The following CCDC137 variants were observed in gnomAD, a reference collection of about 807,000 sequenced individuals.
The protein encoded by CCDC137 is coiled-coil domain-containing protein 137.
CCDC137 carries 24 observed loss-of-function variants against 30.4 expected under a neutral mutation model. That is an observed-to-expected ratio of 0.79 (90% CI 0.57 to 1.11). The LOEUF (loss-of-function observed/expected upper bound fraction) is 1.11, where lower values mean the gene tolerates loss of function less well. CCDC137 is among the 50% of genes least tolerant of loss of function. CCDC137 has a pLI of 0.00. For missense variants in CCDC137, 417 were observed against 380.4 expected (o/e 1.10, Z -0.80); for synonymous variants, 182 against 155.7 (o/e 1.17, Z -1.26).
intron 3 of CCDC137, chr17:81,671,523 A>C: frequency 1.8e-6 from 1 of 555,032 alleles, no homozygotes; most frequent in Non-Finnish European, 3.2e-6. Context: ...CCAGCTGAGA[A>C]CCACTGGGGG....
intron 4 of CCDC137, 101 bp downstream of exon 4, chr17:81,671,927 T>A: frequency 6.7e-7 from 1 of 1,489,008 alleles, no homozygotes; most frequent in South Asian, 1.1e-5. Flanking sequence ...GCACCTGTGG[T>A]TTCCCCTGGG....
In CCDC137 at chr17:81,666,840, G is replaced by C; in HGVS notation, c.74G>C (p.Gly25Ala). The change falls in exon 1 of 6, where the codon GGG becomes GCG. Residue 25 changes from glycine to alanine, a missense_variant. Coordinates refer to ENST00000329214, the MANE Select transcript of CCDC137 (RefSeq NM_199287.3). Reference protein sequence around the residue: ...AGPGSPRRARGRQQVQPLGKQ... With the variant: ...AGPGSPRRARARQQVQPLGKQ... ...CCTGGGAGTCCCCGGCGAGCGCGGG[G>C]GCGGCAGCAAGTGCAGCCGCTGGGG... The C allele has an allele frequency of 7.4e-7, 1 of 1,343,362 alleles. No homozygotes were observed. The highest frequency in any genetic ancestry group is 9.6e-7 in the Non-Finnish European group (1 of 1,045,708). 83.2% of individuals were successfully genotyped at this position (1,343,362 alleles called of 1,614,324 possible).
chr17:81,668,764 G>C (rs549856027), intron 2 of CCDC137, among the ~76,000 whole-genome samples: 21 of 151,930 alleles, frequency 1.4e-4, no homozygotes, highest in Non-Finnish European at 2.8e-4. Context: ...GCAGTGGCGT[G>C]ATCTGGGCTC....
At position 81,672,732 on chromosome 17, in the gene CCDC137, C is replaced by G; in HGVS notation, c.*28C>G. 1 of 1,523,692 alleles carries G rather than the reference C, an allele frequency of 6.6e-7. No homozygotes were observed. Among genetic ancestry groups the G allele is most frequent in the African/African-American group, 1.4e-5 (1 of 72,762 alleles). The allele number at this position is 1,523,692 out of a possible 1,614,324, so 94.4% of individuals were successfully genotyped here. A position where few individuals can be genotyped will look rare whatever the true frequency, so the allele number is the denominator to read the frequency against. On this transcript the variant is annotated 3_prime_UTR_variant, in exon 6 of 6. Coordinates refer to ENST00000329214, the MANE Select transcript of CCDC137 (RefSeq NM_199287.3). ...GAGAGACACCCGGGGCCTGGCCACG[C>G]TCTGGGGCAACTGGCACCAGGAGCT...
At chr17:81,670,645 A>G (rs2036709584) in intron 3 of CCDC137, among the ~76,000 whole-genome samples, 192 bp downstream of exon 3, 1 of 152,216 alleles carries the variant, frequency 6.6e-6, no homozygotes, top group Non-Finnish European at 1.5e-5. Flanking sequence ...TGTGGCCTCC[A>G]GGAGGCTGCG....
rs1403576545 is a variant in CCDC137 at position 81,670,228 on chromosome 17, A to C, written c.272A>C (p.Gln91Pro). 3.1e-6 allele frequency: 5 copies of C among 1,613,368 alleles called. No individual in the cohort carries two copies. Among genetic ancestry groups the C allele is most frequent in the Non-Finnish European group, 4.2e-6 (5 of 1,179,778 alleles). Residue 91 changes from glutamine to proline, a missense_variant, in exon 3 of 6, where the codon CAG becomes CCG. By Grantham distance (76) the Gln-to-Pro change is moderately conservative. Coordinates refer to ENST00000329214, the MANE Select transcript of CCDC137 (RefSeq NM_199287.3). ...TGAGGCCTCCCTTTGTCCTCAGCCC[A>C]GGTGACCTTCAGAAAGACATTGGAG... ...ISNKKRKKAAQVTFRKTLEKE... is the reference protein window; with the variant it reads ...ISNKKRKKAAPVTFRKTLEKE...
intron 2 of CCDC137, among the ~76,000 whole-genome samples, chr17:81,668,919 C>T (rs1045841192): frequency 1.3e-5 from 2 of 150,734 alleles, no homozygotes; most frequent in Non-Finnish European, 3.0e-5. Context: ...TCCCTCTAGC[C>T]CAGGCTAGAG....
intron 2 of CCDC137, among the ~76,000 whole-genome samples, chr17:81,668,611 AG>A (rs1361561112): frequency 2.0e-5 from 3 of 152,198 alleles, no homozygotes; most frequent in Non-Finnish European, 4.4e-5. Flanking sequence ...GATAGAGGTG[AG>A]GAAGGTGCAG....
At chr17:81,669,590 C>T (rs1429488614) in intron 2 of CCDC137, among the ~76,000 whole-genome samples, 2 of 150,322 alleles carry the variant, frequency 1.3e-5, no homozygotes, top group Non-Finnish European at 3.0e-5. Flanking sequence ...GATGGAGTCT[C>T]GCTCAGTCGC....
intron 1 of CCDC137, among the ~76,000 whole-genome samples, chr17:81,667,319 CTTT>C (rs913039751): frequency 4.8e-5 from 6 of 125,622 alleles, no homozygotes; most frequent in East Asian, 2.3e-4. Context: ...TAGATAGATT[CTTT>C]TTTTTTTTTT....
At chr17:81,671,974 C>A in intron 4 of CCDC137, 102 bp from the exon 5 acceptor site, 2 of 1,481,402 alleles carry the variant, frequency 1.4e-6, no homozygotes, top group Non-Finnish European at 1.9e-6. Context: ...AGTTGGTGTT[C>A]TGTCCCAGCC....
Position 81,666,887 on chromosome 17 carries a change from C to T in CCDC137, c.121C>T (p.Pro41Ser), listed in dbSNP as rs1486806280. Residue 41 changes from proline to serine, a missense_variant, in exon 1 of 6, where the codon CCC becomes TCC. Physicochemically the swap from Pro to Ser is moderately conservative, Grantham distance 74 (BLOSUM62 -1). Coordinates refer to ENST00000329214, the MANE Select transcript of CCDC137 (RefSeq NM_199287.3). ...PLGKQRPAPW[P>S]GLRSKEKKKV... is the part of the protein sequence containing the mutation. Reference sequence around the variant, plus strand: ...GGGGAAGCAGCGCCCAGCCCCGTGGCCCGGGCTTCGCAGGTGACTGCGCTG... The same window carrying T: ...GGGGAAGCAGCGCCCAGCCCCGTGGTCCGGGCTTCGCAGGTGACTGCGCTG... 1.1e-5 allele frequency: 14 copies of T among 1,282,944 alleles called. No individual in the cohort carries two copies. The highest frequency in any genetic ancestry group is 1.3e-5 in the Non-Finnish European group (13 of 1,013,788). 79.5% of individuals were successfully genotyped at this position (1,282,944 alleles called of 1,614,324 possible).
In CCDC137 at chr17:81,672,140, C is replaced by T. The variant is rs376019013; in HGVS notation, c.645C>T (p.Ser215=). The T allele has an allele frequency of 3.0e-5, 49 of 1,613,888 alleles. No individual in the cohort carries two copies. The highest frequency in any genetic ancestry group is 2.8e-4 in the African/African-American group (21 of 74,894). The change falls in exon 5 of 6, where the codon AGC becomes AGT. Residue 215 remains serine (S), a synonymous_variant. Transcript: ENST00000329214. ...PPELTARPQR[S]VSKDQPGRRS... ...AGCTGACTGCCAGGCCCCAGAGGAG[C>T]GTAAGCAAGGACCAGGTAAGTGGGG...
At chr17:81,666,998 C>A (rs1338324313) in intron 1 of CCDC137, 98 bp downstream of exon 1, 1 of 1,203,300 alleles carries the variant, frequency 8.3e-7, no homozygotes, top group African/African-American at 1.6e-5. Context: ...CGCTCGGACC[C>A]CTTCCCCAGG....
intron 3 of CCDC137, among the ~76,000 whole-genome samples, chr17:81,670,845 T>C (rs185843247): frequency 6.6e-6 from 1 of 152,202 alleles, no homozygotes; most frequent in Non-Finnish European, 1.5e-5. Context: ...TCTAAAAGCT[T>C]TGGCCGAGTA....
At chr17:81,671,572 T>C (rs1304143244) in intron 3 of CCDC137, 172 bp from the exon 4 acceptor site, 2 of 606,166 alleles carry the variant, frequency 3.3e-6, no homozygotes, top group Non-Finnish European at 5.9e-6. Context: ...CCTTCTTTGG[T>C]GGGCAGCTGT....
At chr17:81,669,266 C>T (rs553258723) in intron 2 of CCDC137, among the ~76,000 whole-genome samples, 3 of 151,992 alleles carry the variant, frequency 2.0e-5, no homozygotes, top group African/African-American at 2.4e-5. Context: ...GTGCCTCAGC[C>T]CCCCCAGTAG....
At chr17:81,670,169 C>T in intron 2 of CCDC137, 56 bp from the exon 3 acceptor site, 1 of 1,377,264 alleles carries the variant, frequency 7.3e-7, no homozygotes, top group Non-Finnish European at 1.0e-6. Context: ...GAGCATGGGT[C>T]ACCTGCCTGC....
At chr17:81,671,918 C>T in intron 4 of CCDC137, 92 bp downstream of exon 4, 1 of 1,506,750 alleles carries the variant, frequency 6.6e-7, no homozygotes, top group Non-Finnish European at 9.2e-7. Context: ...CTGCACTGGG[C>T]ACCTGTGGTT....
Sources: allele counts gnomAD v4.1 joint callset (sites outside exome capture counted in the v4.1 genomes callset), GRCh38; gene constraint gnomAD v4.1.1; transcripts MANE v1.5; gene names NCBI Gene and HGNC (gene_info 2026-07-23, HGNC 2026-07-21).